The following GABRG3 variants were observed in gnomAD, a reference collection of about 807,000 sequenced individuals.
GABRG3 encodes gamma-aminobutyric acid receptor subunit gamma-3.
A neutral mutation model predicts 48.8 loss-of-function variants in GABRG3; 25 were observed. The ratio of observed to expected loss-of-function variants is 0.51; its 90% CI spans 0.37 to 0.72. GABRG3 has a LOEUF of 0.72. Among genes scored for constraint, GABRG3 ranks in the 30% least tolerant of loss-of-function variants. The pLI is 0.00. For synonymous variants in GABRG3, 227 were observed against 217.6 expected (o/e 1.04, Z -0.38); for missense variants, 394 against 577.9 (o/e 0.68, Z 3.26).
intron 3 of GABRG3, among the ~76,000 whole-genome samples, chr15:27,178,514 G>T (rs554919474): frequency 2.6e-5 from 4 of 152,160 alleles, no homozygotes; most frequent in Non-Finnish European, 4.4e-5. Context: ...TTGGCTCTCC[G>T]AAGGTTTGCT....
intron 3 of GABRG3, among the ~76,000 whole-genome samples, chr15:27,117,666 T>C (rs1897664834): frequency 6.6e-6 from 1 of 152,224 alleles, no homozygotes; most frequent in South Asian, 2.1e-4. Flanking sequence ...AAGTTTTTCT[T>C]CATCTGCTAA....
At chr15:27,423,249 A>T (rs1179452340) in intron 5 of GABRG3, among the ~76,000 whole-genome samples, 1 of 144,528 alleles carries the variant, frequency 6.9e-6, no homozygotes, top group African/African-American at 2.7e-5. Context: ...TGATAAAAAA[A>T]AAAAAAAAAA....
chr15:27,144,887 T>C (rs2140392125), intron 3 of GABRG3, among the ~76,000 whole-genome samples: 1 of 152,248 alleles, frequency 6.6e-6, no homozygotes, highest in Non-Finnish European at 1.5e-5. Flanking sequence ...TTTAAGAAAA[T>C]TTCTGCCCAA....
intron 3 of GABRG3, among the ~76,000 whole-genome samples, chr15:27,197,278 T>C (rs1343732765): frequency 6.6e-6 from 1 of 152,192 alleles, no homozygotes; most frequent in Non-Finnish European, 1.5e-5. Context: ...GACCAAAGAC[T>C]GAAATATACT....
At chr15:27,004,311 G>A (rs1895536089) in intron 2 of GABRG3, among the ~76,000 whole-genome samples, 1 of 151,896 alleles carries the variant, frequency 6.6e-6, no homozygotes, top group Admixed American at 6.6e-5. Flanking sequence ...TCCCAGACGG[G>A]GTGGCGGGGC....
chr15:27,475,368 T>G (rs556143146), intron 5 of GABRG3, among the ~76,000 whole-genome samples: 1 of 152,288 alleles, frequency 6.6e-6, no homozygotes, highest in Non-Finnish European at 1.5e-5. Flanking sequence ...ACTTACCATA[T>G]AGAAAGCCCT....
intron 5 of GABRG3, among the ~76,000 whole-genome samples, chr15:27,423,584 C>T (rs1344219840): frequency 1.4e-5 from 2 of 145,196 alleles, no homozygotes; most frequent in South Asian, 2.2e-4. Flanking sequence ...CTTATTCTGT[C>T]GCCAAAGCTT....
chr15:27,133,072 TAA>T (rs1897947822), intron 3 of GABRG3, among the ~76,000 whole-genome samples: 2 of 152,110 alleles, frequency 1.3e-5, no homozygotes, highest in African/African-American at 4.8e-5. Context: ...GTTGGTTGTT[TAA>T]GAGTATGTTG....
At chr15:27,075,449 C>T (rs1896894823) in intron 3 of GABRG3, among the ~76,000 whole-genome samples, 1 of 152,162 alleles carries the variant, frequency 6.6e-6, no homozygotes, top group Non-Finnish European at 1.5e-5. Context: ...CAGTGCTGGA[C>T]TATGCAATGA....
intron 5 of GABRG3, chr15:27,350,126 G>T: frequency 2.2e-6 from 1 of 455,900 alleles, no homozygotes; most frequent in Middle Eastern, 3.3e-4. Flanking sequence ...CACTTTCCCA[G>T]CCACCATCTT....
chr15:27,521,381 A>C (rs1251867616), intron 7 of GABRG3, among the ~76,000 whole-genome samples: 1 of 152,172 alleles, frequency 6.6e-6, no homozygotes, highest in African/African-American at 2.4e-5. Flanking sequence ...ATCAAGGAGA[A>C]CCATCAGTAA....
At chr15:27,459,435 T>C (rs1182933404) in intron 5 of GABRG3, among the ~76,000 whole-genome samples, 5 of 152,190 alleles carry the variant, frequency 3.3e-5, no homozygotes, top group African/African-American at 1.2e-4. Context: ...AAAATGAAAC[T>C]GGGAAACAGC....
At chr15:27,002,548 T>G (rs1335249129) in intron 2 of GABRG3, among the ~76,000 whole-genome samples, 1 of 152,118 alleles carries the variant, frequency 6.6e-6, no homozygotes, top group Non-Finnish European at 1.5e-5. Flanking sequence ...GATATTATTT[T>G]TATTTTTAAG....
At chr15:27,504,409 T>C (rs1890715160) in intron 6 of GABRG3, among the ~76,000 whole-genome samples, 1 of 152,180 alleles carries the variant, frequency 6.6e-6, no homozygotes, top group South Asian at 2.1e-4. Flanking sequence ...ATTTTAGAGC[T>C]TATTGTATAC....
intron 2 of GABRG3, among the ~76,000 whole-genome samples, chr15:26,993,654 A>G (rs1895287505): frequency 6.6e-6 from 1 of 152,054 alleles, no homozygotes; most frequent in Non-Finnish European, 1.5e-5. Flanking sequence ...CCATGTGTTG[A>G]GGAGAAAAAT....
intron 6 of GABRG3, among the ~76,000 whole-genome samples, chr15:27,513,720 A>T (rs1302380599): frequency 6.6e-6 from 1 of 152,236 alleles, no homozygotes; most frequent in Non-Finnish European, 1.5e-5. Context: ...ATGAAGGAAG[A>T]CGTGAATCTG....
At chr15:27,110,792 A>G (rs1021607727) in intron 3 of GABRG3, among the ~76,000 whole-genome samples, 1 of 152,046 alleles carries the variant, frequency 6.6e-6, no homozygotes, top group Non-Finnish European at 1.5e-5. Context: ...CCCCACCCCA[A>G]CCCATCCGTG....
At chr15:27,481,069 A>C (rs533396682) in intron 6 of GABRG3, 1 of 1,198,382 alleles carries the variant, frequency 8.3e-7, no homozygotes, top group African/African-American at 1.5e-5. Context: ...ATATTTACAT[A>C]AACCAATTTT....
intron 3 of GABRG3, among the ~76,000 whole-genome samples, chr15:27,036,626 G>T (rs896889571): frequency 5.9e-5 from 9 of 152,130 alleles, no homozygotes; most frequent in Non-Finnish European, 8.8e-5. Context: ...GGAGGCAGAG[G>T]TTGCAGTGAG....
Sources: allele counts gnomAD v4.1 joint callset (sites outside exome capture counted in the v4.1 genomes callset), GRCh38; gene constraint gnomAD v4.1.1; transcripts MANE v1.5; gene names NCBI Gene and HGNC (gene_info 2026-07-23, HGNC 2026-07-21).